The following SPAG6 variants were observed in gnomAD, a reference collection of about 807,000 sequenced individuals.
SPAG6 encodes the protein sperm associated antigen 6.
Under a neutral mutation model 58.5 loss-of-function variants are expected in SPAG6, and 49 were observed. The ratio of observed to expected loss-of-function variants is 0.84; its 90% confidence interval spans 0.67 to 1.06. The LOEUF (loss-of-function observed/expected upper bound fraction) is 1.06, where lower values mean the gene tolerates loss of function less well. Among genes scored for constraint, SPAG6 ranks in the 50% least tolerant of loss-of-function variants. The probability of loss-of-function intolerance (pLI) is 0.00; values close to 1 mark genes in which losing one functional copy is unlikely to be tolerated. For missense variants in SPAG6, 560 were observed against 611.3 expected (o/e 0.92, Z 0.89); for synonymous variants, 233 against 225.6 (o/e 1.03, Z -0.29).
At position 22,355,615 on chromosome 10, in the gene SPAG6, CT is replaced by C. The variant is rs1341137495; in HGVS notation, c.122-9235del. Among the ~76,000 whole-genome samples, 3 of 152,302 alleles carry C rather than the reference CT, an allele frequency of 2.0e-5. No homozygotes were observed. The East Asian group carries it at 5.8e-4, about 29-fold the overall frequency. Reference sequence around the variant, plus strand: ...ATACTTTTTGTGATTCAATCTGACACTTTAGATAAATTACAAGACTTTTTGT... The same window carrying C: ...ATACTTTTTGTGATTCAATCTGACACTTAGATAAATTACAAGACTTTTTGT... On this transcript the variant is annotated intron_variant, in intron 2 of 10. Coordinates refer to ENST00000376624, the MANE Select transcript of SPAG6 (RefSeq NM_012443.4).
At chr10:22,351,386 G>T (rs1836723793) in intron 2 of SPAG6, among the ~76,000 whole-genome samples, 1 of 152,160 alleles carries the variant, frequency 6.6e-6, no homozygotes, top group South Asian at 2.1e-4. Flanking sequence ...TGGAAGTTGG[G>T]AACCGAGGTA....
At chr10:22,364,162 CAATT>C (rs146828413) in intron 2 of SPAG6, among the ~76,000 whole-genome samples, 7,980 of 152,194 alleles carry the variant, frequency 0.052, 516 homozygotes, top group African/African-American at 0.15. Context: ...AGTTGTGTGA[CAATT>C]AACCTTTCTC....
chr10:22,367,593 G>T (rs1326865956), intron 3 of SPAG6, among the ~76,000 whole-genome samples: 1 of 152,052 alleles, frequency 6.6e-6, no homozygotes, highest in Non-Finnish European at 1.5e-5. Context: ...TAAAATAGGG[G>T]TTTAATTGGG....
Position 22,345,928 on chromosome 10 carries a change from A to C in SPAG6, c.121+110A>C, listed in dbSNP as rs1344366686. 6.4e-7 allele frequency: 1 copy of C among 1,566,332 alleles called. No homozygotes were observed. Among genetic ancestry groups the C allele is most frequent in the Non-Finnish European group, 8.6e-7 (1 of 1,156,096 alleles). On this transcript the variant is annotated intron_variant, in intron 2 of 10. Coordinates refer to ENST00000376624, the MANE Select transcript of SPAG6 (RefSeq NM_012443.4). The surrounding 1 kb of genome is among the most constrained non-coding windows in gnomAD (Gnocchi z 6.3). Reference sequence around the variant, plus strand: ...TGGGGAGCCGCAGTGTGGGGACCGGAGTTCGCAAAAGCATCCATTCTTTTC... The same window carrying C: ...TGGGGAGCCGCAGTGTGGGGACCGGCGTTCGCAAAAGCATCCATTCTTTTC...
intron 9 of SPAG6, among the ~76,000 whole-genome samples, chr10:22,407,515 T>C (rs1451021116): frequency 6.6e-6 from 1 of 152,260 alleles, no homozygotes; most frequent in Non-Finnish European, 1.5e-5. Context: ...CAGCTGTTAG[T>C]CTGATGGGCT....
intron 2 of SPAG6, among the ~76,000 whole-genome samples, chr10:22,351,645 G>A (rs940132401): frequency 6.6e-6 from 1 of 151,992 alleles, no homozygotes; most frequent in Non-Finnish European, 1.5e-5. Flanking sequence ...TTTTGTTCAC[G>A]GGGGCAGAAC....
At chr10:22,371,554 G>A (rs1833695432) in intron 4 of SPAG6, among the ~76,000 whole-genome samples, 1 of 151,520 alleles carries the variant, frequency 6.6e-6, no homozygotes, top group African/African-American at 2.4e-5. Flanking sequence ...TCCGGCTTTT[G>A]TTTGTTTGTT....
chr10:22,345,660 C>T lies in SPAG6; in HGVS notation c.25+24C>T. 1.3e-6 allele frequency: 2 copies of T among 1,562,846 alleles called. No homozygotes were observed. The highest frequency in any genetic ancestry group is 2.4e-5 in the East Asian group (1 of 41,544). Reference sequence around the variant, plus strand: ...AGGTAGGGCCGAGGCGGGCAGGTGCCCTAACTAGCTGGCGCCGAGGAGACC... The same window carrying T: ...AGGTAGGGCCGAGGCGGGCAGGTGCTCTAACTAGCTGGCGCCGAGGAGACC... On this transcript the variant is annotated intron_variant, in intron 1 of 10. Transcript: ENST00000376624. This position sits in a 1 kb window ranked among gnomAD's most constrained non-coding sequence, Gnocchi z 6.3.
intron 9 of SPAG6, among the ~76,000 whole-genome samples, chr10:22,402,806 A>T (rs1414395411): frequency 3.9e-5 from 6 of 152,218 alleles, no homozygotes; most frequent in Non-Finnish European, 7.3e-5. Context: ...GGGTGCTAAG[A>T]AGGTGACCAG....
chr10:22,368,945 T>A (rs1272491696), intron 4 of SPAG6, among the ~76,000 whole-genome samples: 2 of 151,640 alleles, frequency 1.3e-5, no homozygotes, highest in South Asian at 2.1e-4. Context: ...GGTGGGAGAG[T>A]AGGCTTGAGT....
At chr10:22,413,786 A>G (rs1486716154) in intron 10 of SPAG6, among the ~76,000 whole-genome samples, 1 of 151,792 alleles carries the variant, frequency 6.6e-6, no homozygotes, top group Non-Finnish European at 1.5e-5. Flanking sequence ...ATTTTATAGA[A>G]ATCTTGGAAA....
chr10:22,391,580 G>T, intron 7 of SPAG6, 149 bp from the exon 8 acceptor site: 1 of 609,288 alleles, frequency 1.6e-6, no homozygotes, highest in Non-Finnish European at 2.8e-6. Context: ...CTTAAGAAAT[G>T]ACAGCCCCTG....
intron 9 of SPAG6, among the ~76,000 whole-genome samples, chr10:22,402,192 G>A (rs943559921): frequency 6.6e-6 from 1 of 151,892 alleles, no homozygotes; most frequent in Non-Finnish European, 1.5e-5. Flanking sequence ...TCAATCCCAG[G>A]CACATATTAA....
At chr10:22,375,628 C>G (rs947231722) in intron 4 of SPAG6, among the ~76,000 whole-genome samples, 1 of 150,484 alleles carries the variant, frequency 6.6e-6, no homozygotes, top group African/African-American at 2.5e-5. Flanking sequence ...TCTCGTTGCC[C>G]ATGTTGGAGT....
chr10:22,385,836 A>G (rs1466143729), intron 4 of SPAG6, among the ~76,000 whole-genome samples: 1 of 152,212 alleles, frequency 6.6e-6, no homozygotes, highest in Non-Finnish European at 1.5e-5. Flanking sequence ...CACATCTGGG[A>G]AAATAAGAAC....
At chr10:22,414,951 G>T (rs1476619115) in intron 10 of SPAG6, among the ~76,000 whole-genome samples, 4 of 152,016 alleles carry the variant, frequency 2.6e-5, no homozygotes, top group Non-Finnish European at 5.9e-5. Context: ...TTTTTAGCAC[G>T]GACGAGGTTT....
At chr10:22,352,910 A>G (rs1311456188) in intron 2 of SPAG6, among the ~76,000 whole-genome samples, 1 of 152,208 alleles carries the variant, frequency 6.6e-6, no homozygotes, top group African/African-American at 2.4e-5. Flanking sequence ...TTTATTTCAC[A>G]AAGTGTTCTC....
intron 2 of SPAG6, among the ~76,000 whole-genome samples, chr10:22,356,244 T>G (rs1441726112): frequency 1.3e-5 from 2 of 152,216 alleles, no homozygotes; most frequent in African/African-American, 2.4e-5. Context: ...TCACACAAAC[T>G]AGAGAACCAT....
chr10:22,352,954 C>T (rs552496632), intron 2 of SPAG6, among the ~76,000 whole-genome samples: 3 of 152,226 alleles, frequency 2.0e-5, no homozygotes, highest in African/African-American at 4.8e-5. Flanking sequence ...ACTCAGTGCT[C>T]TGTTCAGAAC....
Sources: allele counts gnomAD v4.1 joint callset (sites outside exome capture counted in the v4.1 genomes callset), GRCh38; gene constraint gnomAD v4.1.1; non-coding constraint Gnocchi (gnomAD v3.1); transcripts MANE v1.5; gene names NCBI Gene and HGNC (gene_info 2026-07-23, HGNC 2026-07-21).